Variants in POLK observed in about 807,000 individuals in gnomAD.
The protein encoded by POLK is polymerase (DNA directed) kappa.
Under a neutral mutation model 94.0 loss-of-function variants are expected in POLK, and 76 were observed. That is an observed-to-expected ratio of 0.81 (90% confidence interval 0.67 to 0.98). The LOEUF is 0.98. Ranked by LOEUF, POLK falls within the 50% of genes least tolerant of loss-of-function variation. The pLI is 0.00. For missense variants in POLK, 954 were observed against 1,010.1 expected (o/e 0.94, Z 0.75); for synonymous variants, 349 against 325.4 (o/e 1.07, Z -0.78).
chr5:75,530,068 GT>G (rs1470335836), intron 1 of POLK, among the ~76,000 whole-genome samples: 10 of 151,816 alleles, frequency 6.6e-5, no homozygotes, highest in African/African-American at 1.2e-4. Context: ...TTACTTGATA[GT>G]TGATTTTTCA....
At chr5:75,583,247 C>T (rs1181781061) in intron 7 of POLK, 46 bp from the exon 8 acceptor site, 3 of 1,433,086 alleles carry the variant, frequency 2.1e-6, no homozygotes, top group Non-Finnish European at 2.8e-6. Context: ...ATTTAAAAGT[C>T]ATACATATCA....
downstream of POLK, among the ~76,000 whole-genome samples, chr5:75,604,527 A>G (rs1356993429): frequency 2.0e-5 from 3 of 152,132 alleles, no homozygotes; most frequent in African/African-American, 7.2e-5. Flanking sequence ...GGCTGGTGCC[A>G]TGATGCCCAG....
intron 3 of POLK, chr5:75,568,549 G>C (rs1771407463): frequency 5.2e-6 from 1 of 191,702 alleles, no homozygotes; most frequent in African/African-American, 2.4e-5. Flanking sequence ...GTAAAACTAA[G>C]TTGTTAGTTT....
intron 1 of POLK, among the ~76,000 whole-genome samples, chr5:75,525,710 T>C (rs758579650): frequency 6.6e-6 from 1 of 152,138 alleles, no homozygotes; most frequent in Non-Finnish European, 1.5e-5. Flanking sequence ...GCAGAAATAA[T>C]GGAGTCTAGA....
chr5:75,537,643 G>C (rs1769513118), intron 1 of POLK, among the ~76,000 whole-genome samples: 1 of 152,018 alleles, frequency 6.6e-6, no homozygotes, highest in Non-Finnish European at 1.5e-5. Context: ...TTCTACTTCT[G>C]CTATAATCTA....
chr5:75,574,005 G>A, intron 5 of POLK, 136 bp downstream of exon 5: 1 of 715,260 alleles, frequency 1.4e-6, no homozygotes, highest in Non-Finnish European at 2.4e-6. Context: ...CACTTCTTCA[G>A]CTTGTATATT....
At chr5:75,575,940 C>T (rs751616853) in intron 5 of POLK, among the ~76,000 whole-genome samples, 6 of 152,050 alleles carry the variant, frequency 3.9e-5, no homozygotes, top group Non-Finnish European at 7.4e-5. Flanking sequence ...GGCAGGGTCT[C>T]ACTCTGTCAC....
At chr5:75,571,749 C>T (rs896033208) in intron 4 of POLK, among the ~76,000 whole-genome samples, 4 of 152,214 alleles carry the variant, frequency 2.6e-5, no homozygotes, top group African/African-American at 7.2e-5. Flanking sequence ...AGGCAAGTCA[C>T]GTGGCATGAG....
chr5:75,567,113 C>T (rs921846536), intron 3 of POLK, among the ~76,000 whole-genome samples: 7 of 151,994 alleles, frequency 4.6e-5, no homozygotes, highest in African/African-American at 1.4e-4. Context: ...TTGCTTTAAG[C>T]ACAAAAAAAG....
chr5:75,591,371 T>C (rs1443495107), intron 11 of POLK, among the ~76,000 whole-genome samples: 1 of 152,188 alleles, frequency 6.6e-6, no homozygotes, highest in Non-Finnish European at 1.5e-5. Context: ...GATGAGTATC[T>C]TTCTCTATCA....
downstream of POLK, among the ~76,000 whole-genome samples, chr5:75,605,633 A>G (rs1773404013): frequency 6.6e-6 from 1 of 152,178 alleles, no homozygotes; most frequent in African/African-American, 2.4e-5. Context: ...CTTTTCTGCC[A>G]TATTATTAGA....
chr5:75,584,989 A>G lies in POLK; in HGVS notation c.1226+63A>G, dbSNP rs5744684. ...ATTTGCTGCAATATCAGTTTTAACC[A>G]TTGAGATGAGGCTATATGGATAACA... On this transcript the variant is annotated intron_variant, in intron 9 of 14. Transcript: ENST00000241436. 1.1e-3 allele frequency: 1,112 copies of G among 1,040,410 alleles called. 7 individuals carry two copies. In the African/African-American group the frequency reaches 0.015, roughly 14 times the overall value. The allele number at this position is 1,040,410 out of a possible 1,614,324, so 64.4% of individuals were successfully genotyped here.
chr5:75,575,937 T>G (rs1561389783), intron 5 of POLK, among the ~76,000 whole-genome samples: 1 of 152,078 alleles, frequency 6.6e-6, no homozygotes, highest in Non-Finnish European at 1.5e-5. Flanking sequence ...TGAGGCAGGG[T>G]CTCACTCTGT....
At position 75,573,853 on chromosome 5, in the gene POLK, G is replaced by A. The variant is rs760869027; in HGVS notation, c.524G>A (p.Arg175Gln). The A allele has an allele frequency of 1.5e-5, 25 of 1,613,126 alleles. No individual in the cohort carries two copies. Among genetic ancestry groups the A allele is most frequent in the African/African-American group, 4.0e-5 (3 of 74,876 alleles). ...GTGCCCCCCAACTTTGACAAATACCGAGCTGTGAGTAAAGAGGTAAGTTAA... is the reference window on the plus strand; with the variant it reads ...GTGCCCCCCAACTTTGACAAATACCAAGCTGTGAGTAAAGAGGTAAGTTAA... Residue 175 changes from arginine to glutamine, a missense_variant, in exon 5 of 15, where the codon CGA becomes CAA. Transcript: ENST00000241436.
rs573871491 is a variant in POLK, at chr5:75,537,391, G to A, written c.-13-9619G>A. 7.9e-5 allele frequency among the ~76,000 whole-genome samples: 12 copies of A among 152,354 alleles called. No homozygotes were observed. The East Asian group carries it at 2.3e-3, about 29-fold the overall frequency. On this transcript the variant is annotated intron_variant, in intron 1 of 14. Transcript: ENST00000241436. ...CACTCACCGTTTGCGGTGTTGGTTA[G>A]GTTCTCCTGGCTCTGTGCTCAGCCC...
At chr5:75,607,688 G>A in the POLK span, among the ~76,000 whole-genome samples, 3 of 152,110 alleles carry the variant, frequency 2.0e-5, no homozygotes, top group Admixed American at 6.5e-5. Flanking sequence ...GTAAAACAGA[G>A]ACATATCAGC....
intron 1 of POLK, among the ~76,000 whole-genome samples, chr5:75,538,047 G>A (rs1485823890): frequency 2.0e-5 from 3 of 151,748 alleles, no homozygotes; most frequent in Non-Finnish European, 4.4e-5. Context: ...TAGTAGAGAC[G>A]GGGTTTCACC....
upstream of POLK, chr5:75,511,239 C>A (rs753818083): frequency 3.1e-6 from 5 of 1,609,398 alleles, no homozygotes; most frequent in Admixed American, 1.7e-5. Flanking sequence ...GAGACCGGCC[C>A]CCGCTCCCTC....
At chr5:75,510,905 C>T (rs1395453988), upstream of POLK, among the ~76,000 whole-genome samples, 1 of 152,144 alleles carries the variant, frequency 6.6e-6, no homozygotes, top group Non-Finnish European at 1.5e-5. Context: ...ACACCCTTTC[C>T]CTGGTCCTCG....
Sources: allele counts gnomAD v4.1 joint callset (sites outside exome capture counted in the v4.1 genomes callset), GRCh38; gene constraint gnomAD v4.1.1; transcripts MANE v1.5; gene names NCBI Gene and HGNC (gene_info 2026-07-23, HGNC 2026-07-21).